TNS1: variants seen among roughly 807,000 people sequenced by gnomAD.
TNS1 encodes the protein tensin 1, also known as tensin-1.
A neutral mutation model predicts 168.6 loss-of-function variants in TNS1; 62 were observed. The observed-to-expected ratio is 0.37, with a 90% CI of 0.30 to 0.45. The LOEUF (loss-of-function observed/expected upper bound fraction) is 0.45, where lower values mean the gene tolerates loss of function less well. TNS1 is among the 20% of genes least tolerant of loss of function. TNS1 has a pLI of 1.00. For synonymous variants in TNS1, 934 were observed against 933.2 expected, an observed-to-expected ratio of 1.00 and a Z score of -0.02; for missense variants, 2,240 against 2,339.4, an observed-to-expected ratio of 0.96 and a Z score of 0.88.
intron 3 of TNS1, among the ~76,000 whole-genome samples, chr2:217,978,242 G>A (rs1173884614): frequency 6.6e-6 from 1 of 152,174 alleles, no homozygotes; most frequent in East Asian, 1.9e-4. Context: ...GGAAGGGACA[G>A]TCTCTCAGGC....
chr2:218,018,416 G>A (rs530952639), intron 1 of TNS1, among the ~76,000 whole-genome samples: 1 of 152,360 alleles, frequency 6.6e-6, no homozygotes, highest in East Asian at 1.9e-4. Context: ...GGCTGGCCCT[G>A]CTGGCCCTGT....
At chr2:218,004,427 G>T (rs1958634961), upstream of TNS1, among the ~76,000 whole-genome samples, 1 of 152,006 alleles carries the variant, frequency 6.6e-6, no homozygotes, top group Non-Finnish European at 1.5e-5. Flanking sequence ...CACATACCGT[G>T]CAACTACCAG....
At position 217,877,932 on chromosome 2, in the gene TNS1, G is replaced by A. The variant is rs376838682; in HGVS notation, c.1429+2966C>T. On this transcript the variant is annotated intron_variant, in intron 18 of 32. Coordinates refer to ENST00000682258, the MANE Select transcript of TNS1 (RefSeq NM_001387777.1). Reference sequence around the variant, plus strand: ...TCCAAGTCTCCTGGTGGGCTCCAGAGGGAATGGTCTGGCCTCTACTATCAC... The same window carrying A: ...TCCAAGTCTCCTGGTGGGCTCCAGAAGGAATGGTCTGGCCTCTACTATCAC... 8.5e-5 allele frequency among the ~76,000 whole-genome samples: 13 copies of A among 152,196 alleles called. No individual in the cohort carries two copies. The East Asian group carries it at 1.5e-3, about 18-fold the overall frequency.
chr2:217,814,862 A>C (rs1941625466), intron 25 of TNS1, 50 bp downstream of exon 25: 1 of 1,494,528 alleles, frequency 6.7e-7, no homozygotes, highest in Non-Finnish European at 9.3e-7. Flanking sequence ...AAGACACAGC[A>C]GGCCTCAGCC....
intron 18 of TNS1, among the ~76,000 whole-genome samples, chr2:217,877,968 T>C (rs1365981293): frequency 6.6e-6 from 1 of 152,218 alleles, no homozygotes; most frequent in Non-Finnish European, 1.5e-5. Flanking sequence ...CCTCCCGCAG[T>C]GGGCCTGAAA....
chr2:217,858,397 C>A, intron 18 of TNS1: 1 of 505,912 alleles, frequency 2.0e-6, no homozygotes, highest in Non-Finnish European at 2.6e-6. Flanking sequence ...CCTCCACACC[C>A]TCCCAGCACA....
intron 10 of TNS1, 55 bp downstream of exon 10, chr2:217,893,384 G>A: frequency 1.3e-6 from 2 of 1,520,046 alleles, no homozygotes; most frequent in African/African-American, 1.5e-5. Context: ...ACACACATGT[G>A]CGCATGTGCG....
chr2:217,842,012 A>T, intron 19 of TNS1: 1 of 698,908 alleles, frequency 1.4e-6, no homozygotes, highest in Non-Finnish European at 2.6e-6. Context: ...AGTGGCCAAC[A>T]TTGCCCCTGC....
chr2:217,984,045 A>G (rs971668912), intron 2 of TNS1, among the ~76,000 whole-genome samples: 4 of 150,278 alleles, frequency 2.7e-5, no homozygotes, highest in African/African-American at 7.4e-5. Flanking sequence ...AAGAAAACCA[A>G]CCTCCCCAAG....
chr2:217,867,189 C>T lies in TNS1; in HGVS notation c.1429+13709G>A, dbSNP rs146719691. ...GGGGGTGCATATTAAAGGAGGTGGG[C>T]GGATAGATTCTCCTCCTCATCCCTA... On this transcript the variant is annotated intron_variant, in intron 18 of 32. Transcript: ENST00000682258. Among the ~76,000 whole-genome samples the T allele has an allele frequency of 2.7e-3, 414 of 152,226 alleles. 3 individuals carry two copies. Among genetic ancestry groups the T allele is most frequent in the African/African-American group, 9.3e-3 (386 of 41,522 alleles).
At chr2:217,917,829 C>CAAAAAAAAAAAAA (rs79888115) in intron 4 of TNS1, among the ~76,000 whole-genome samples, 870 of 75,882 alleles carry the variant, frequency 0.011, 21 homozygotes, top group Middle Eastern at 0.019. Context: ...AGACTGTTCT[C>CAAAAAAAAAAAAA]AAAAAAAAAA....
chr2:218,010,379 A>T (rs1958695126), exon 1 of TNS1: 1 of 391,978 alleles, frequency 2.6e-6, no homozygotes, highest in Non-Finnish European at 4.5e-6. Flanking sequence ...CTCTAGCGGG[A>T]GGAGCGGCGC....
intron 7 of TNS1, among the ~76,000 whole-genome samples, chr2:217,898,381 C>T (rs927121612): frequency 3.2e-4 from 48 of 152,230 alleles, no homozygotes; most frequent in Non-Finnish European, 7.3e-5. Context: ...CCCCAGACTG[C>T]TCTGGAAGAG....
chr2:217,859,418 G>A (rs2125526053), intron 18 of TNS1: 1 of 521,038 alleles, frequency 1.9e-6, no homozygotes, highest in Non-Finnish European at 3.4e-6. Context: ...TCCTTGGCTT[G>A]GAAAAGGAAA....
At chr2:218,012,536 C>T (rs1958715020), upstream of TNS1, among the ~76,000 whole-genome samples, 1 of 152,150 alleles carries the variant, frequency 6.6e-6, no homozygotes, top group African/African-American at 2.4e-5. Flanking sequence ...AAGCCAAGGA[C>T]ACTCCAAAGA....
In TNS1 at chr2:217,886,098, C is replaced by T. The variant is rs753102119; in HGVS notation, c.986G>A (p.Arg329Gln). ...IPNFESKGGC[R>Q]PFLRIYQAMQ... ...GGCCTGGTAGATGCGGAGAAATGGC[C>T]GACATCCTGTAAAAGTGGGGTGGGT... is the stretch of plus-strand genomic sequence containing the variant. The change falls in exon 14 of 33, where the codon CGG becomes CAG. Residue 329 changes from arginine (R) to glutamine (Q), a missense_variant. Physicochemically the swap from Arg to Gln is conservative, Grantham distance 43. This residue lies in a region of TNS1 where 2,131 missense variants were observed against 2,171.2 expected (regional missense o/e 0.98). Coordinates refer to ENST00000682258, the MANE Select transcript of TNS1 (RefSeq NM_001387777.1). 9 of 1,613,494 alleles carry T rather than the reference C, an allele frequency of 5.6e-6. No individual in the cohort carries two copies. The highest frequency in any genetic ancestry group is 4.0e-5 in the African/African-American group (3 of 74,790).
intron 3 of TNS1, among the ~76,000 whole-genome samples, chr2:217,923,790 G>T (rs1173642535): frequency 6.6e-6 from 1 of 152,228 alleles, no homozygotes; most frequent in African/African-American, 2.4e-5. Flanking sequence ...GCCCAGCACT[G>T]CAGCAGAGCA....
intron 4 of TNS1, among the ~76,000 whole-genome samples, chr2:217,907,557 A>G (rs1953860190): frequency 6.6e-6 from 1 of 152,248 alleles, no homozygotes; most frequent in Admixed American, 6.5e-5. Context: ...GGAGAGGTCA[A>G]TGACTTACAG....
chr2:217,825,042 CA>C (rs1943415450), intron 22 of TNS1, among the ~76,000 whole-genome samples: 1 of 152,198 alleles, frequency 6.6e-6, no homozygotes, highest in South Asian at 2.1e-4. Context: ...CAGAGGCACA[CA>C]TCCATTTTTC....
Sources: gnomAD v4.1 joint callset for allele counts (sites outside exome capture counted in the v4.1 genomes callset) on GRCh38, gnomAD v4.1.1 for gene constraint, gnomAD v4.1.1 regional missense constraint, MANE v1.5 for transcripts, NCBI Gene and HGNC (gene_info 2026-07-23, HGNC 2026-07-21) for gene names.